ARHGAP21: variants seen among roughly 807,000 people sequenced by gnomAD.
The protein encoded by ARHGAP21 is rho GTPase-activating protein 21.
ARHGAP21 carries 38 observed loss-of-function variants against 164.6 expected under a neutral mutation model. That is an observed-to-expected ratio of 0.23 (90% CI 0.18 to 0.30). The LOEUF is 0.30. Ranked by LOEUF, ARHGAP21 falls within the 10% of genes least tolerant of loss-of-function variation. The pLI is 1.00. For synonymous variants in ARHGAP21, 766 were observed against 857.9 expected, an observed-to-expected ratio of 0.89 and a Z score of 1.87; for missense variants, 1,822 against 2,370.7, an observed-to-expected ratio of 0.77 and a Z score of 4.81.
chr10:24,615,815 C>T (rs780463191), intron 9 of ARHGAP21, among the ~76,000 whole-genome samples: 4 of 152,138 alleles, frequency 2.6e-5, no homozygotes, highest in Non-Finnish European at 5.9e-5. Flanking sequence ...TATTCTGTCG[C>T]CCAGGCTGGA....
rs1259666717 is a variant in ARHGAP21, at chr10:24,592,031, C to T, written c.3877-19G>A. 1 of 1,541,492 alleles carries T rather than the reference C, an allele frequency of 6.5e-7. No homozygotes were observed. The highest frequency in any genetic ancestry group is 8.7e-7 in the Non-Finnish European group (1 of 1,144,258). On this transcript the variant is annotated intron_variant, in intron 21 of 25. Transcript: ENST00000396432. ...GTTCCATCTGAAAGAAAGGATGATA[C>T]TGGGAAATACCAGAATTTTTCTTAA...
intron 4 of ARHGAP21, among the ~76,000 whole-genome samples, chr10:24,647,848 C>A (rs1837728707): frequency 6.6e-6 from 1 of 152,094 alleles, no homozygotes; most frequent in Admixed American, 6.5e-5. Flanking sequence ...ATTCTTTTCT[C>A]TTTTTTCCCC....
intron 2 of ARHGAP21, among the ~76,000 whole-genome samples, chr10:24,674,273 C>G (rs976508309): frequency 2.6e-5 from 4 of 152,176 alleles, no homozygotes; most frequent in African/African-American, 9.7e-5. Flanking sequence ...GTGGCTCACA[C>G]CTGTAATCCC....
At chr10:24,712,795 C>T (rs949921167) in intron 2 of ARHGAP21, among the ~76,000 whole-genome samples, 6 of 152,092 alleles carry the variant, frequency 3.9e-5, no homozygotes, top group South Asian at 2.1e-4. Flanking sequence ...CTGATATGAA[C>T]GGGGTGCCCA....
At chr10:24,698,136 T>A (rs1843344246) in intron 2 of ARHGAP21, among the ~76,000 whole-genome samples, 1 of 152,162 alleles carries the variant, frequency 6.6e-6, no homozygotes, top group Admixed American at 6.5e-5. Context: ...TGAAAGTCAC[T>A]ATGAATGGGA....
At chr10:24,590,334 C>T in intron 24 of ARHGAP21, 1 of 1,535,250 alleles carries the variant, frequency 6.5e-7, no homozygotes, top group Non-Finnish European at 8.7e-7. Flanking sequence ...ACTATGTTTG[C>T]ATTTACAAGA....
At chr10:24,589,963 C>T in intron 24 of ARHGAP21, 1 of 169,546 alleles carries the variant, frequency 5.9e-6, no homozygotes, top group Non-Finnish European at 1.2e-5. Flanking sequence ...TATCTATTAA[C>T]AAATGCTGTT....
Position 24,594,871 on chromosome 10 carries a change from A to G in ARHGAP21, c.3876+79T>C, listed in dbSNP as rs767464639. On this transcript the variant is annotated intron_variant, in intron 21 of 25. Transcript: ENST00000396432. The stretch of plus-strand genomic sequence containing the variant: ...TTGAATTACAAACCTTTTATTGACT[A>G]TTTGGCATGAAGTAATGAAGCATAT... 1.7e-4 allele frequency: 199 copies of G among 1,183,428 alleles called. 1 individual carries two copies. Among genetic ancestry groups the G allele is most frequent in the Non-Finnish European group, 1.5e-4 (127 of 834,622 alleles). 73.3% of individuals were successfully genotyped at this position (1,183,428 alleles called of 1,614,324 possible).
chr10:24,692,897 GAACTACCATA>G (rs1842864112), intron 2 of ARHGAP21, among the ~76,000 whole-genome samples: 1 of 149,876 alleles, frequency 6.7e-6, no homozygotes, highest in African/African-American at 2.4e-5. Flanking sequence ...TTCACACAAT[GAACTACCATA>G]AACAAATTTT....
intron 9 of ARHGAP21, among the ~76,000 whole-genome samples, chr10:24,615,665 C>T (rs1175308807): frequency 6.6e-6 from 1 of 152,164 alleles, no homozygotes; most frequent in African/African-American, 2.4e-5. Context: ...ATCCATAAAA[C>T]GGGTTATTAA....
chr10:24,691,367 C>T (rs538142824), intron 2 of ARHGAP21, among the ~76,000 whole-genome samples: 1 of 152,330 alleles, frequency 6.6e-6, no homozygotes, highest in South Asian at 2.1e-4. Flanking sequence ...AGGCTGTCAT[C>T]CAACTTCTAA....
At chr10:24,716,115 T>C (rs1845351603) in intron 2 of ARHGAP21, among the ~76,000 whole-genome samples, 1 of 152,254 alleles carries the variant, frequency 6.6e-6, no homozygotes, top group Admixed American at 6.5e-5. Flanking sequence ...AACATATTTA[T>C]TGACAACCTA....
intron 24 of ARHGAP21, chr10:24,590,041 G>A (rs1347744176): frequency 2.7e-6 from 1 of 369,644 alleles, no homozygotes; most frequent in Non-Finnish European, 3.9e-6. Context: ...CAATTATAAA[G>A]AGGGTAGGAA....
chr10:24,718,542 T>C (rs912163272), intron 2 of ARHGAP21, among the ~76,000 whole-genome samples: 9 of 150,418 alleles, frequency 6.0e-5, no homozygotes, highest in Non-Finnish European at 8.9e-5. Flanking sequence ...GAGAGGGAGA[T>C]AGAAAGGAGG....
chr10:24,716,122 C>A (rs944861879), intron 2 of ARHGAP21, among the ~76,000 whole-genome samples: 1 of 152,192 alleles, frequency 6.6e-6, no homozygotes, highest in African/African-American at 2.4e-5. Context: ...TTATTGACAA[C>A]CTATTATGTG....
chr10:24,639,021 A>T (rs2131404220), intron 4 of ARHGAP21, among the ~76,000 whole-genome samples: 1 of 152,286 alleles, frequency 6.6e-6, no homozygotes, highest in African/African-American at 2.4e-5. Flanking sequence ...TGAGTAAAAA[A>T]ATTAATTATA....
chr10:24,595,311 T>C (rs2076531642), intron 19 of ARHGAP21, 121 bp from the exon 20 acceptor site: 2 of 887,668 alleles, frequency 2.3e-6, no homozygotes, highest in East Asian at 5.3e-5. Context: ...AGTTTTGAAA[T>C]GTAAATTTCT....
chr10:24,602,765 G>T (rs1467893095), intron 12 of ARHGAP21, among the ~76,000 whole-genome samples: 1 of 152,150 alleles, frequency 6.6e-6, no homozygotes, highest in East Asian at 1.9e-4. Context: ...GGACACGCGT[G>T]AAAAGAGCTG....
intron 2 of ARHGAP21, among the ~76,000 whole-genome samples, chr10:24,674,827 T>C (rs187564705): frequency 2.0e-5 from 3 of 152,206 alleles, no homozygotes; most frequent in Non-Finnish European, 2.9e-5. Flanking sequence ...AAAGGACTTG[T>C]ATCTAGAATA....
Sources: allele counts gnomAD v4.1 joint callset (sites outside exome capture counted in the v4.1 genomes callset), GRCh38; gene constraint gnomAD v4.1.1; transcripts MANE v1.5; gene names NCBI Gene and HGNC (gene_info 2026-07-23, HGNC 2026-07-21).